The following SMARCB1 variants were observed in gnomAD, a reference collection of about 807,000 sequenced individuals.
SMARCB1 encodes SWI/SNF-related matrix-associated actin-dependent regulator of chromatin subfamily B member 1.
SMARCB1 carries 5 observed loss-of-function variants against 49.0 expected under a neutral mutation model. The ratio of observed to expected loss-of-function variants is 0.10; its 90% CI spans 0.05 to 0.21. The LOEUF (loss-of-function observed/expected upper bound fraction) is 0.21, where lower values mean the gene tolerates loss of function less well. Among genes scored for constraint, SMARCB1 ranks in the 10% least tolerant of loss-of-function variants. The pLI, the probability that SMARCB1 is intolerant of heterozygous loss-of-function variation, is 1.00. For synonymous variants in SMARCB1, 201 were observed against 200.1 expected (o/e 1.00, Z -0.04); for missense variants, 226 against 509.2 (o/e 0.44, Z 5.35).
chr22:23,833,485 A>G, intron 7 of SMARCB1, 87 bp from the exon 8 acceptor site: 4 of 1,571,046 alleles, frequency 2.5e-6, no homozygotes, highest in Non-Finnish European at 3.5e-6. Context: ...TGGGAGGAGC[A>G]GGGCACAGAC....
In SMARCB1 at chr22:23,834,195, C is replaced by G; in HGVS notation, c.*15C>G. 4 of 1,579,032 alleles carry G rather than the reference C, an allele frequency of 2.5e-6. No individual in the cohort carries two copies. Among genetic ancestry groups the G allele is most frequent in the Non-Finnish European group, 3.4e-6 (4 of 1,162,344 alleles). ...CGGCCTGGTAACCAGCCCATCAGCA[C>G]ACGGCTCCCACGGAGCATCTCAGAA... On this transcript the variant is annotated 3_prime_UTR_variant, in exon 9 of 9. Transcript: ENST00000644036.
chr22:23,831,474 G>A (rs1262238658), intron 7 of SMARCB1, among the ~76,000 whole-genome samples: 1 of 152,144 alleles, frequency 6.6e-6, no homozygotes, highest in Non-Finnish European at 1.5e-5. Context: ...GAAGGAATGG[G>A]GAGCAGGGTG....
intron 6 of SMARCB1, among the ~76,000 whole-genome samples, chr22:23,819,984 C>T (rs2029994317): frequency 6.6e-6 from 1 of 152,076 alleles, no homozygotes; most frequent in Non-Finnish European, 1.5e-5. Flanking sequence ...CGCATGCCAC[C>T]ACGCCCGGCT....
Position 23,833,758 on chromosome 22 carries a change from C to T in SMARCB1, c.1118+55C>T. 1.9e-6 allele frequency: 3 copies of T among 1,601,424 alleles called. No homozygotes were observed. The Admixed American group carries it at 5.0e-5, about 27-fold the overall frequency. Reference sequence around the variant, plus strand: ...GCCCACAGGCACCTGGCTTTCCAGGCAGAGGCAGGGCCATTGCCTTTCCCA... The same window carrying T: ...GCCCACAGGCACCTGGCTTTCCAGGTAGAGGCAGGGCCATTGCCTTTCCCA... On this transcript the variant is annotated intron_variant, in intron 8 of 8. Transcript: ENST00000644036.
Position 23,793,535 on chromosome 22 carries a change from C to T in SMARCB1, c.233-24C>T, listed in dbSNP as rs201197123. ...TGTGCCACCGCCACCAGCAGAGTGA[C>T]CCAGTGATGTTTGTCTGTTACAGAT... On this transcript the variant is annotated intron_variant, in intron 2 of 8. Transcript: ENST00000644036. 3.7e-6 allele frequency: 6 copies of T among 1,613,778 alleles called. No individual in the cohort carries two copies. In the African/African-American group the frequency reaches 5.3e-5, roughly 14 times the overall value.
At chr22:23,800,109 G>A (rs1056398968) in intron 3 of SMARCB1, among the ~76,000 whole-genome samples, 22 of 152,190 alleles carry the variant, frequency 1.4e-4, no homozygotes, top group Admixed American at 4.6e-4. Context: ...GATTACAGGC[G>A]TGAGCCACCG....
chr22:23,819,754 A>C (rs908714112), intron 6 of SMARCB1, among the ~76,000 whole-genome samples: 5 of 150,544 alleles, frequency 3.3e-5, no homozygotes, highest in Non-Finnish European at 5.9e-5. Flanking sequence ...CGGTGGCTGC[A>C]CCTTTTATAT....
Position 23,836,637 on chromosome 22 carries a change from G to A in SMARCB1, c.*2457G>A. ...TGTGGGCACCCCTATCCTACCACCT[G>A]CAGTTGGGCTGAGAGGCCACACTGA... is the stretch of plus-strand genomic sequence containing the variant. On this transcript the variant is annotated 3_prime_UTR_variant, in exon 9 of 9. Coordinates refer to ENST00000644036, the MANE Select transcript of SMARCB1 (RefSeq NM_003073.5). The A allele has an allele frequency of 1.6e-6, 2 of 1,242,028 alleles. No homozygotes were observed. Among genetic ancestry groups the A allele is most frequent in the Non-Finnish European group, 2.0e-6 (2 of 996,404 alleles). 76.9% of individuals were successfully genotyped at this position (1,242,028 alleles called of 1,614,324 possible).
At position 23,787,001 on chromosome 22, in the gene SMARCB1, G is replaced by A. The variant is rs898131569; in HGVS notation, c.-169G>A. 3 of 502,330 alleles carry A rather than the reference G, an allele frequency of 6.0e-6. No homozygotes were observed. Among genetic ancestry groups the A allele is most frequent in the Admixed American group, 8.8e-5 (2 of 22,816 alleles). 31.1% of individuals were successfully genotyped at this position (502,330 alleles called of 1,614,324 possible). ...GCGCACTGAGGGCGGCCTGGTCGTC[G>A]TCTGCGGCGGCGGCGGCGGCTGAGG... On this transcript the variant is annotated 5_prime_UTR_variant, in exon 1 of 9. Transcript: ENST00000644036.
At chr22:23,833,860 C>T (rs1027049843) in intron 8 of SMARCB1, among the ~76,000 whole-genome samples, 157 bp downstream of exon 8, 3 of 152,200 alleles carry the variant, frequency 2.0e-5, no homozygotes, top group African/African-American at 7.2e-5. Context: ...AAGGCCCCAT[C>T]CAAACGCCAG....
rs148073830 is a variant in SMARCB1 at position 23,797,871 on chromosome 22, G to A, written c.363-3073G>A. Reference sequence around the variant, plus strand: ...TGACCTCAGGTGATCCGTCCGCCTCGGCCTCCCAAAGTGTCGGGGTTACAG... The same window carrying A: ...TGACCTCAGGTGATCCGTCCGCCTCAGCCTCCCAAAGTGTCGGGGTTACAG... On this transcript the variant is annotated intron_variant, in intron 3 of 8. Coordinates refer to ENST00000644036, the MANE Select transcript of SMARCB1 (RefSeq NM_003073.5). 2.9e-3 allele frequency among the ~76,000 whole-genome samples: 446 copies of A among 152,100 alleles called. 2 individuals are homozygous for A. The highest frequency in any genetic ancestry group is 9.5e-3 in the African/African-American group (395 of 41,514).
chr22:23,834,131 CCT>C lies in SMARCB1; in HGVS notation c.1119-7_1119-6del, dbSNP rs2030836377. 6.3e-7 allele frequency: 1 copy of C among 1,585,396 alleles called. No individual in the cohort carries two copies. Among genetic ancestry groups the C allele is most frequent in the East Asian group, 2.3e-5 (1 of 42,820 alleles). ...GCCCCGACTCATTGCCCTCCCCACT[CCT>C]CTTCCAGGCGGATGAGGCGTCTTGC... On this transcript the variant is annotated splice_region_variant and splice_polypyrimidine_tract_variant and intron_variant, in intron 8 of 8. Coordinates refer to ENST00000644036, the MANE Select transcript of SMARCB1 (RefSeq NM_003073.5).
At chr22:23,826,286 A>G (rs2030376072) in intron 7 of SMARCB1, 1 of 151,406 alleles carries the variant, frequency 6.6e-6, no homozygotes, top group African/African-American at 2.4e-5. Flanking sequence ...TGAGCCGGGC[A>G]TGTTGGTACA....
At chr22:23,811,064 A>C (rs1929843553) in intron 5 of SMARCB1, among the ~76,000 whole-genome samples, 1 of 151,956 alleles carries the variant, frequency 6.6e-6, no homozygotes, top group Non-Finnish European at 1.5e-5. Flanking sequence ...AGATGGATAA[A>C]GATAAAACGT....
intron 1 of SMARCB1, among the ~76,000 whole-genome samples, chr22:23,791,383 G>A (rs2073390): frequency 0.92 from 140,482 of 152,286 alleles, 64,968 homozygotes; most frequent in Middle Eastern, 0.97. Flanking sequence ...ACATTGTAAA[G>A]ATATCAAAGT....
At chr22:23,790,942 A>G (rs1568935516) in intron 1 of SMARCB1, among the ~76,000 whole-genome samples, 1 of 152,226 alleles carries the variant, frequency 6.6e-6, no homozygotes, top group African/African-American at 2.4e-5. Flanking sequence ...GTGGTCCTTC[A>G]TGGGGGTGAA....
intron 5 of SMARCB1, among the ~76,000 whole-genome samples, chr22:23,806,406 T>A (rs1929502053): frequency 6.6e-6 from 1 of 152,228 alleles, no homozygotes; most frequent in Admixed American, 6.5e-5. Context: ...CAAAATAGTG[T>A]TGTTCTGCGA....
At chr22:23,814,198 C>T (rs549258878) in intron 5 of SMARCB1, among the ~76,000 whole-genome samples, 1 of 152,246 alleles carries the variant, frequency 6.6e-6, no homozygotes, top group African/African-American at 2.4e-5. Flanking sequence ...TATATAGCTA[C>T]GATAATCAAG....
chr22:23,803,703 A>G, intron 5 of SMARCB1: 3 of 515,242 alleles, frequency 5.8e-6, no homozygotes, highest in South Asian at 4.0e-5. Flanking sequence ...ATGGATGATG[A>G]TGACAATGCC....
Sources: gnomAD v4.1 joint callset for allele counts (sites outside exome capture counted in the v4.1 genomes callset) on GRCh38, gnomAD v4.1.1 for gene constraint, MANE v1.5 for transcripts, NCBI Gene and HGNC (gene_info 2026-07-23, HGNC 2026-07-21) for gene names.